PRDM16: variants seen among roughly 807,000 people sequenced by gnomAD.
PRDM16 encodes histone-lysine N-methyltransferase PRDM16.
A neutral mutation model predicts 110.6 loss-of-function variants in PRDM16; 23 were observed. The ratio of observed to expected loss-of-function variants is 0.21; its 90% CI spans 0.15 to 0.29. PRDM16 has a LOEUF of 0.29. Ranked by LOEUF, PRDM16 falls within the 10% of genes least tolerant of loss-of-function variation. The probability of loss-of-function intolerance (pLI) is 1.00; values close to 1 mark genes in which losing one functional copy is unlikely to be tolerated. For synonymous variants in PRDM16, 799 were observed against 781.8 expected (o/e 1.02, Z -0.37); for missense variants, 1,615 against 1,794.3 (o/e 0.90, Z 1.81).
intron 3 of PRDM16, among the ~76,000 whole-genome samples, chr1:3,356,975 C>T (rs747566824): frequency 5.3e-5 from 8 of 152,198 alleles, no homozygotes; most frequent in Non-Finnish European, 1.0e-4. Flanking sequence ...AAACACACTG[C>T]CTGGACTTTG....
intron 3 of PRDM16, among the ~76,000 whole-genome samples, chr1:3,334,757 A>G (rs1349012009): frequency 6.6e-6 from 1 of 152,164 alleles, no homozygotes; most frequent in Non-Finnish European, 1.5e-5. Flanking sequence ...ATCAATCATC[A>G]TCGCCAAGTG....
chr1:3,346,772 C>T lies in PRDM16; in HGVS notation c.439-38380C>T, dbSNP rs528293822. On this transcript the variant is annotated intron_variant, in intron 3 of 16. Transcript: ENST00000270722. Reference sequence around the variant, plus strand: ...TGTGAGGTGAGGGTGGGTGGCTCTACAAGGGAAGGGGCTCCTCTCACGTTC... The same window carrying T: ...TGTGAGGTGAGGGTGGGTGGCTCTATAAGGGAAGGGGCTCCTCTCACGTTC... 4.6e-5 allele frequency among the ~76,000 whole-genome samples: 7 copies of T among 152,298 alleles called. No individual in the cohort carries two copies. The East Asian group carries it at 1.2e-3, about 25-fold the overall frequency.
At chr1:3,139,769 G>A (rs2100698916) in intron 1 of PRDM16, among the ~76,000 whole-genome samples, 1 of 152,350 alleles carries the variant, frequency 6.6e-6, no homozygotes, top group Non-Finnish European at 1.5e-5. Context: ...AGCAGGAAAG[G>A]GAGCTGCTCC....
intron 2 of PRDM16, among the ~76,000 whole-genome samples, chr1:3,187,578 T>C (rs546152510): frequency 2.0e-5 from 3 of 152,264 alleles, no homozygotes; most frequent in East Asian, 3.9e-4. Context: ...CAGCAGCCCT[T>C]GAGCACCTCC....
intron 3 of PRDM16, among the ~76,000 whole-genome samples, chr1:3,259,390 G>A (rs189527850): frequency 6.6e-6 from 1 of 152,370 alleles, no homozygotes; most frequent in East Asian, 1.9e-4. Context: ...ATTGGGCTCA[G>A]GCCTGGGTGG....
chr1:3,121,901 G>T (rs986988602), intron 1 of PRDM16, among the ~76,000 whole-genome samples: 2 of 152,352 alleles, frequency 1.3e-5, no homozygotes, highest in African/African-American at 4.8e-5. Context: ...GTGATGTAGT[G>T]AGTGAAACAT....
In PRDM16 at chr1:3,390,939, G is replaced by A. The variant is rs1174904618; in HGVS notation, c.574-5552G>A. Among the ~76,000 whole-genome samples the A allele has an allele frequency of 5.3e-5, 8 of 150,448 alleles. No individual in the cohort carries two copies. The highest frequency in any genetic ancestry group is 1.0e-4 in the Non-Finnish European group (7 of 67,780). ...CAACCTCCGCCTCCCGGGTTCAAGC[G>A]ATTCTCCTGTCTCAGCCTCTCAAGT... On this transcript the variant is annotated intron_variant, in intron 4 of 16. Transcript: ENST00000270722. This position sits in a 1 kb window ranked among gnomAD's most constrained non-coding sequence, Gnocchi z 5.0.
chr1:3,385,764 G>T (rs563800126), intron 4 of PRDM16, among the ~76,000 whole-genome samples: 1 of 152,240 alleles, frequency 6.6e-6, no homozygotes, highest in Non-Finnish European at 1.5e-5. Context: ...AGCCTCCGGG[G>T]CCTCTGACCA....
chr1:3,431,169 G>C, intron 15 of PRDM16, 61 bp downstream of exon 15: 1 of 1,523,948 alleles, frequency 6.6e-7, no homozygotes, highest in Non-Finnish European at 8.8e-7. Context: ...CCATCACGAG[G>C]GGGACCTCCC....
At chr1:3,385,052 A>G in intron 3 of PRDM16, 100 bp from the exon 4 acceptor site, 1 of 1,463,680 alleles carries the variant, frequency 6.8e-7, no homozygotes, top group Non-Finnish European at 9.4e-7. Flanking sequence ...TTGCCTTCCT[A>G]CTTGAGCCCA....
chr1:3,184,926 C>G lies in PRDM16; in HGVS notation c.38-1199C>G, dbSNP rs565190198. 3.3e-5 allele frequency among the ~76,000 whole-genome samples: 5 copies of G among 152,192 alleles called. No individual in the cohort carries two copies. In the East Asian group the frequency reaches 9.7e-4, roughly 29 times the overall value. On this transcript the variant is annotated intron_variant, in intron 1 of 16. Transcript: ENST00000270722. ...GTGCCACAGGTGTGACCCTCTGCAT[C>G]GGCTTCCTACGCCGAGTGCCGCATG...
intron 2 of PRDM16, among the ~76,000 whole-genome samples, chr1:3,214,012 G>A (rs933643998): frequency 2.6e-5 from 4 of 152,062 alleles, no homozygotes; most frequent in African/African-American, 4.8e-5. Flanking sequence ...CACTGGGTCC[G>A]CCTCGGCTGG....
chr1:3,172,561 C>G (rs1644038037), intron 1 of PRDM16, among the ~76,000 whole-genome samples: 1 of 152,214 alleles, frequency 6.6e-6, no homozygotes, highest in African/African-American at 2.4e-5. Flanking sequence ...TGTCCATCCA[C>G]AGATGAAGAG....
At chr1:3,120,903 A>G (rs937882315) in intron 1 of PRDM16, among the ~76,000 whole-genome samples, 21 of 152,336 alleles carry the variant, frequency 1.4e-4, no homozygotes, top group Admixed American at 1.3e-3. Flanking sequence ...GGGATCTGCC[A>G]TTCCAGGGGC....
intron 2 of PRDM16, among the ~76,000 whole-genome samples, chr1:3,241,183 G>GGCGGTTCC (rs987391427): frequency 2.0e-5 from 3 of 152,270 alleles, no homozygotes; most frequent in African/African-American, 7.2e-5. Context: ...AGATGGGGCA[G>GGCGGTTCC]GCGGTTCCGC....
intron 11 of PRDM16, among the ~76,000 whole-genome samples, 192 bp downstream of exon 11, chr1:3,418,189 G>A (rs760236508): frequency 8.5e-5 from 13 of 152,198 alleles, no homozygotes; most frequent in African/African-American, 1.2e-4. Context: ...CCTGCCTCAC[G>A]CCATGCTGTG....
chr1:3,284,443 G>A (rs138258214), intron 3 of PRDM16, among the ~76,000 whole-genome samples: 121 of 152,268 alleles, frequency 7.9e-4, no homozygotes, highest in African/African-American at 2.7e-3. Flanking sequence ...AGTGTAAGGC[G>A]TGGCCAAAAT....
chr1:3,349,810 T>C (rs544547216), intron 3 of PRDM16, among the ~76,000 whole-genome samples: 2 of 152,210 alleles, frequency 1.3e-5, no homozygotes, highest in Admixed American at 6.5e-5. Context: ...CTGGCCACGG[T>C]GCTGGGCTTG....
intron 1 of PRDM16, among the ~76,000 whole-genome samples, chr1:3,184,205 C>T (rs993143163): frequency 6.6e-6 from 1 of 152,202 alleles, no homozygotes; most frequent in Non-Finnish European, 1.5e-5. Context: ...GAATGCTGAT[C>T]AATTAAATAA....
Sources: allele counts gnomAD v4.1 joint callset (sites outside exome capture counted in the v4.1 genomes callset), GRCh38; gene constraint gnomAD v4.1.1; non-coding constraint Gnocchi (gnomAD v3.1); transcripts MANE v1.5; gene names NCBI Gene and HGNC (gene_info 2026-07-23, HGNC 2026-07-21).